The following PCDH15 variants were observed in gnomAD, a reference collection of about 807,000 sequenced individuals.
The protein encoded by PCDH15 is protocadherin-15.
A neutral mutation model predicts 178.5 loss-of-function variants in PCDH15; 129 were observed. The observed-to-expected ratio is 0.72, with a 90% CI of 0.63 to 0.84. PCDH15 has a LOEUF of 0.84. PCDH15 is among the 40% of genes least tolerant of loss of function. The pLI is 0.00. For missense variants in PCDH15, 2,230 were observed against 2,099.9 expected (o/e 1.06, Z -1.21); for synonymous variants, 800 against 732.0 (o/e 1.09, Z -1.50).
chr10:54,105,277 G>GATATATATATAT (rs55696020), intron 15 of PCDH15, among the ~76,000 whole-genome samples: 1 of 90,448 alleles, frequency 1.1e-5, no homozygotes, highest in Non-Finnish European at 2.3e-5. Context: ...TATAGATGGA[G>GATATATATATAT]ATATATATAT....
At chr10:55,054,054 TG>T (rs1564751825) in intron 2 of PCDH15, among the ~76,000 whole-genome samples, 2 of 152,192 alleles carry the variant, frequency 1.3e-5, no homozygotes. Context: ...TATGGGGGTT[TG>T]TTGTACAGAT....
chr10:54,839,716 C>A (rs150472086), intron 3 of PCDH15, among the ~76,000 whole-genome samples: 1 of 152,032 alleles, frequency 6.6e-6, no homozygotes, highest in South Asian at 2.1e-4. Context: ...ACATTACAAT[C>A]AAATTGCCAA....
chr10:55,571,114 T>A (rs1036146505), intron 2 of PCDH15, among the ~76,000 whole-genome samples: 11 of 152,024 alleles, frequency 7.2e-5, no homozygotes, highest in African/African-American at 2.7e-4. Flanking sequence ...AATACCTTCG[T>A]GCCTTCCCTG....
chr10:54,595,011 C>A (rs11492307), intron 2 of PCDH15, among the ~76,000 whole-genome samples: 1 of 152,120 alleles, frequency 6.6e-6, no homozygotes, highest in African/African-American at 2.4e-5. Flanking sequence ...ACACCAGCAC[C>A]AGTACAAATG....
chr10:55,584,620 T>G (rs993341519), intron 2 of PCDH15, among the ~76,000 whole-genome samples: 1 of 128,018 alleles, frequency 7.8e-6, no homozygotes, highest in Non-Finnish European at 1.5e-5. Flanking sequence ...ATCACACCAC[T>G]GCACTCCAGC....
intron 2 of PCDH15, among the ~76,000 whole-genome samples, chr10:54,608,300 T>C (rs1388212580): frequency 3.3e-5 from 5 of 149,510 alleles, no homozygotes; most frequent in African/African-American, 1.2e-4. Context: ...AAAACTTATC[T>C]CTACCAAAAA....
chr10:54,035,300 T>C (rs1423290779), intron 18 of PCDH15, among the ~76,000 whole-genome samples: 1 of 151,944 alleles, frequency 6.6e-6, no homozygotes, highest in Non-Finnish European at 1.5e-5. Flanking sequence ...ATTGAAGGCT[T>C]CTGACAAAGA....
intron 18 of PCDH15, among the ~76,000 whole-genome samples, chr10:54,064,893 C>A (rs1287824344): frequency 6.6e-6 from 1 of 152,150 alleles, no homozygotes; most frequent in Non-Finnish European, 1.5e-5. Context: ...GGAGCTACAC[C>A]CAGGATGGCA....
At chr10:54,254,871 G>T (rs2056776723) in intron 8 of PCDH15, among the ~76,000 whole-genome samples, 1 of 152,042 alleles carries the variant, frequency 6.6e-6, no homozygotes, top group Non-Finnish European at 1.5e-5. Flanking sequence ...GTCTCTGGAA[G>T]CATCTGCTAA....
chr10:54,601,659 C>T (rs2092539926), intron 2 of PCDH15, among the ~76,000 whole-genome samples: 1 of 151,884 alleles, frequency 6.6e-6, no homozygotes, highest in South Asian at 2.1e-4. Flanking sequence ...AAAAACAGAA[C>T]TGCCATTTGA....
chr10:55,416,450 C>T (rs991725097), intron 2 of PCDH15, among the ~76,000 whole-genome samples: 10 of 151,688 alleles, frequency 6.6e-5, no homozygotes, highest in African/African-American at 2.4e-4. Flanking sequence ...CATATGTCAT[C>T]TATCACTTCT....
At chr10:53,848,629 C>A (rs534756018) in intron 28 of PCDH15, among the ~76,000 whole-genome samples, 1 of 151,786 alleles carries the variant, frequency 6.6e-6, no homozygotes, top group African/African-American at 2.4e-5. Context: ...ACATGAATAA[C>A]CCCTTACCTT....
At chr10:54,812,648 A>G (rs2133730784) in intron 3 of PCDH15, among the ~76,000 whole-genome samples, 1 of 152,044 alleles carries the variant, frequency 6.6e-6, no homozygotes. Flanking sequence ...TAGTAGAGAC[A>G]GGGTTTCACC....
intron 1 of PCDH15, among the ~76,000 whole-genome samples, chr10:54,778,393 C>T (rs1259129632): frequency 2.0e-5 from 3 of 151,954 alleles, no homozygotes; most frequent in Admixed American, 6.6e-5. Flanking sequence ...TCAATAGTCC[C>T]GGGGTGGAGG....
At chr10:54,653,649 G>C (rs2094312258) in intron 2 of PCDH15, among the ~76,000 whole-genome samples, 1 of 152,070 alleles carries the variant, frequency 6.6e-6, no homozygotes, top group Non-Finnish European at 1.5e-5. Context: ...TGTGCGATTG[G>C]GGTCATAGCA....
intron 2 of PCDH15, among the ~76,000 whole-genome samples, chr10:55,051,717 T>C (rs1027692425): frequency 6.6e-6 from 1 of 152,172 alleles, no homozygotes. Flanking sequence ...AGCATAGTCA[T>C]AAAAATGTTA....
chr10:54,489,612 C>A (rs1286967259), intron 3 of PCDH15, among the ~76,000 whole-genome samples: 1 of 152,096 alleles, frequency 6.6e-6, no homozygotes, highest in Non-Finnish European at 1.5e-5. Flanking sequence ...TACACACATA[C>A]AGGCATACAT....
At chr10:55,602,973 G>C (rs1163521534) in intron 2 of PCDH15, among the ~76,000 whole-genome samples, 3 of 152,088 alleles carry the variant, frequency 2.0e-5, no homozygotes, top group Admixed American at 1.3e-4. Flanking sequence ...GAAAGGCAAA[G>C]AAGTTGAGAA....
intron 8 of PCDH15, among the ~76,000 whole-genome samples, chr10:54,268,475 T>G (rs2057836713): frequency 6.6e-6 from 1 of 151,766 alleles, no homozygotes; most frequent in African/African-American, 2.4e-5. Context: ...CATGTTCTAT[T>G]GCAAATATGA....
Sources: allele counts gnomAD v4.1 joint callset (sites outside exome capture counted in the v4.1 genomes callset), GRCh38; gene constraint gnomAD v4.1.1; transcripts MANE v1.5; gene names NCBI Gene and HGNC (gene_info 2026-07-23, HGNC 2026-07-21).